The following AUTS2 variants were observed in gnomAD, a reference collection of about 807,000 sequenced individuals.
The protein encoded by AUTS2 is activator of transcription and developmental regulator AUTS2, also known as autism susceptibility gene 2 protein.
Under a neutral mutation model 112.4 loss-of-function variants are expected in AUTS2, and 17 were observed. That is an observed-to-expected ratio of 0.15 (90% CI 0.10 to 0.23). The LOEUF (loss-of-function observed/expected upper bound fraction) is 0.23. Ranked by LOEUF, AUTS2 falls within the 10% of genes least tolerant of loss-of-function variation. AUTS2 has a pLI of 1.00. For missense variants in AUTS2, 1,510 were observed against 1,701.6 expected, an observed-to-expected ratio of 0.89 and a Z score of 1.98; for synonymous variants, 751 against 702.7, an observed-to-expected ratio of 1.07 and a Z score of -1.09.
chr7:69,893,644 C>T lies in AUTS2; in HGVS notation c.310-5642C>T, dbSNP rs116939628. Among the ~76,000 whole-genome samples, 836 of 152,296 alleles carry T rather than the reference C, an allele frequency of 5.5e-3. 6 individuals are homozygous for T. The highest frequency in any genetic ancestry group is 9.3e-3 in the Non-Finnish European group (635 of 68,030). ...ACATGCATTTGGGTGCATGCAGACACATATACCACAAATACTTTGTAAGTG... is the reference window on the plus strand; with the variant it reads ...ACATGCATTTGGGTGCATGCAGACATATATACCACAAATACTTTGTAAGTG... On this transcript the variant is annotated intron_variant, in intron 1 of 18. Coordinates refer to ENST00000342771, the MANE Select transcript of AUTS2 (RefSeq NM_015570.4).
intron 1 of AUTS2, among the ~76,000 whole-genome samples, chr7:69,613,548 T>C (rs1245961208): frequency 2.0e-5 from 3 of 152,208 alleles, no homozygotes; most frequent in African/African-American, 7.2e-5. Flanking sequence ...TATGTCAGTG[T>C]CTGTTCTAAA....
chr7:69,944,254 T>C (rs907470823), intron 2 of AUTS2, among the ~76,000 whole-genome samples: 1 of 151,964 alleles, frequency 6.6e-6, no homozygotes, highest in African/African-American at 2.4e-5. Flanking sequence ...ATATATAGAG[T>C]CTGTAGACTA....
chr7:70,378,215 C>T (rs1183589470), intron 4 of AUTS2, among the ~76,000 whole-genome samples: 2 of 152,186 alleles, frequency 1.3e-5, no homozygotes, highest in Non-Finnish European at 2.9e-5. Context: ...GTTGCTTTCA[C>T]ATTTTCTCTA....
At chr7:70,213,794 AGAGGCCT>A (rs1193913035) in intron 4 of AUTS2, among the ~76,000 whole-genome samples, 1 of 152,218 alleles carries the variant, frequency 6.6e-6, no homozygotes, top group African/African-American at 2.4e-5. Context: ...TTTAGAGTCA[AGAGGCCT>A]GAGTTTTAAT....
intron 1 of AUTS2, among the ~76,000 whole-genome samples, chr7:69,874,339 A>G (rs1793634166): frequency 6.6e-6 from 1 of 152,180 alleles, no homozygotes; most frequent in African/African-American, 2.4e-5. Context: ...GAAGATGGTG[A>G]TAAGAAAGAG....
chr7:70,643,193 C>A (rs936141838), intron 5 of AUTS2, among the ~76,000 whole-genome samples: 1 of 152,196 alleles, frequency 6.6e-6, no homozygotes, highest in African/African-American at 2.4e-5. Context: ...ATGTCTCCAT[C>A]CCAGGTCTTG....
At chr7:70,415,555 A>G (rs1794954012) in intron 4 of AUTS2, among the ~76,000 whole-genome samples, 1 of 152,242 alleles carries the variant, frequency 6.6e-6, no homozygotes, top group Non-Finnish European at 1.5e-5. Context: ...TGCAGACAAA[A>G]AAAAAGTGTC....
chr7:70,365,845 A>C (rs975998192), intron 4 of AUTS2, among the ~76,000 whole-genome samples: 5 of 152,366 alleles, frequency 3.3e-5, no homozygotes, highest in Admixed American at 6.5e-5. Context: ...GTTCCTGACC[A>C]GATTGGTCTT....
At chr7:70,707,872 C>T (rs1387936547) in intron 6 of AUTS2, among the ~76,000 whole-genome samples, 1 of 152,184 alleles carries the variant, frequency 6.6e-6, no homozygotes, top group Non-Finnish European at 1.5e-5. Context: ...GGGCATTTCC[C>T]TAGCAACCGA....
chr7:69,788,546 A>G (rs933401650), intron 1 of AUTS2, among the ~76,000 whole-genome samples: 14 of 152,326 alleles, frequency 9.2e-5, no homozygotes, highest in Admixed American at 9.2e-4. Flanking sequence ...GTGATTATTC[A>G]CTTTTCTAAA....
chr7:69,727,823 T>C (rs931665815), intron 1 of AUTS2, among the ~76,000 whole-genome samples: 2 of 152,284 alleles, frequency 1.3e-5, no homozygotes, highest in Non-Finnish European at 2.9e-5. Context: ...TTCTTTTTTA[T>C]ATAAGGTTTA....
chr7:69,896,891 T>G (rs1410707458), intron 1 of AUTS2, among the ~76,000 whole-genome samples: 1 of 152,218 alleles, frequency 6.6e-6, no homozygotes, highest in Non-Finnish European at 1.5e-5. Flanking sequence ...TTCTCAGCTC[T>G]AACCCTCTCC....
At chr7:69,622,348 T>A (rs191085180) in intron 1 of AUTS2, among the ~76,000 whole-genome samples, 1 of 152,320 alleles carries the variant, frequency 6.6e-6, no homozygotes, top group Non-Finnish European at 1.5e-5. Context: ...TATGGTTATA[T>A]CTAAAACGAG....
At chr7:69,850,708 C>T (rs1382271741) in intron 1 of AUTS2, among the ~76,000 whole-genome samples, 1 of 152,056 alleles carries the variant, frequency 6.6e-6, no homozygotes, top group African/African-American at 2.4e-5. Context: ...TTGACTTTTA[C>T]TGTTAAGTTT....
intron 1 of AUTS2, among the ~76,000 whole-genome samples, chr7:69,695,308 A>G (rs961026094): frequency 6.6e-6 from 1 of 152,214 alleles, no homozygotes; most frequent in African/African-American, 2.4e-5. Context: ...CAGGCTGAGC[A>G]ACAGATCAAG....
Position 69,635,450 on chromosome 7 carries a change from C to G in AUTS2, c.309+35488C>G, listed in dbSNP as rs17140729. Among the ~76,000 whole-genome samples the G allele has an allele frequency of 1.9e-3, 288 of 152,292 alleles. 1 individual carries two copies. The highest frequency in any genetic ancestry group is 6.6e-3 in the African/African-American group (276 of 41,556). On this transcript the variant is annotated intron_variant, in intron 1 of 18. Coordinates refer to ENST00000342771, the MANE Select transcript of AUTS2 (RefSeq NM_015570.4). ...TACCTAGACTGGTGATACATCATTA[C>G]AGTATCTGCGGGGAAAAGTAGAGGG... is the stretch of plus-strand genomic sequence containing the variant.
At position 70,020,313 on chromosome 7, in the gene AUTS2, CCA is replaced by C. The variant is rs1421260055; in HGVS notation, c.523-97816_523-97815del. Reference sequence around the variant, plus strand: ...CCACCCCCCACTCTCACCTGCATCCCCACATAGAGCCAGGACATCTCTTAAGA... The same window carrying C: ...CCACCCCCCACTCTCACCTGCATCCCCATAGAGCCAGGACATCTCTTAAGA... On this transcript the variant is annotated intron_variant, in intron 2 of 18. Coordinates refer to ENST00000342771, the MANE Select transcript of AUTS2 (RefSeq NM_015570.4). Among the ~76,000 whole-genome samples the C allele has an allele frequency of 2.6e-5, 4 of 152,124 alleles. No individual in the cohort carries two copies. The South Asian group carries it at 8.3e-4, about 32-fold the overall frequency.
chr7:69,965,700 A>G (rs1173020852), intron 2 of AUTS2, among the ~76,000 whole-genome samples: 2 of 152,184 alleles, frequency 1.3e-5, no homozygotes, highest in Non-Finnish European at 2.9e-5. Context: ...GAACAGAGCC[A>G]TTCTTCTCAG....
At chr7:70,642,258 C>T (rs1055719666) in intron 5 of AUTS2, among the ~76,000 whole-genome samples, 2 of 152,188 alleles carry the variant, frequency 1.3e-5, no homozygotes, top group African/African-American at 4.8e-5. Flanking sequence ...GTATCTTCTT[C>T]AAATCTGTTG....
Sources: gnomAD v4.1 joint callset for allele counts (sites outside exome capture counted in the v4.1 genomes callset) on GRCh38, gnomAD v4.1.1 for gene constraint, MANE v1.5 for transcripts, NCBI Gene and HGNC (gene_info 2026-07-23, HGNC 2026-07-21) for gene names.